The following DIAPH2 variants were observed in gnomAD, a reference collection of about 807,000 sequenced individuals.
The protein encoded by DIAPH2 is protein diaphanous homolog 2.
Under a neutral mutation model 92.7 loss-of-function variants are expected in DIAPH2, and 35 were observed. That is an observed-to-expected ratio of 0.38 (90% confidence interval 0.29 to 0.50). DIAPH2 has a LOEUF of 0.50. Among genes scored for constraint, DIAPH2 ranks in the 20% least tolerant of loss-of-function variants. DIAPH2 has a pLI of 0.94. For synonymous variants in DIAPH2, 301 were observed against 280.4 expected, an observed-to-expected ratio of 1.07 and a Z score of -0.73; for missense variants, 701 against 819.5, an observed-to-expected ratio of 0.86 and a Z score of 1.77.
intron 5 of DIAPH2, among the ~76,000 whole-genome samples, chrX:96,893,430 G>T (rs1051652210): frequency 9.9e-5 from 11 of 111,166 alleles, no homozygotes; most frequent in Admixed American, 9.6e-4. Flanking sequence ...CATCTCTTTT[G>T]TGTTGTTGTT....
chrX:97,547,064 T>A (rs1024869707), intron 26 of DIAPH2, among the ~76,000 whole-genome samples: 2 of 111,865 alleles, frequency 1.8e-5, no homozygotes, highest in Non-Finnish European at 3.8e-5. Flanking sequence ...CTCTGTTCTA[T>A]AGTAAGCATT....
chrX:97,299,270 T>C (rs1322961034), intron 23 of DIAPH2, among the ~76,000 whole-genome samples: 2 of 111,637 alleles, frequency 1.8e-5, no homozygotes, highest in Non-Finnish European at 3.8e-5. Flanking sequence ...AACTAAATTA[T>C]GCTTGAACTA....
At chrX:96,977,690 CT>C (rs1276239233) in intron 17 of DIAPH2, among the ~76,000 whole-genome samples, 109 of 101,896 alleles carry the variant, frequency 1.1e-3, no homozygotes, top group Admixed American at 1.2e-3. Flanking sequence ...AGTTTTTTTT[CT>C]TTTTTTTTTT....
At chrX:97,483,411 GAGAA>G (rs1305293709) in intron 26 of DIAPH2, among the ~76,000 whole-genome samples, 6 of 110,842 alleles carry the variant, frequency 5.4e-5, no homozygotes, top group Non-Finnish European at 1.1e-4. Context: ...GAGAGAGAGA[GAGAA>G]AGAGTTTTTT....
At position 97,259,435 on chromosome X, in the gene DIAPH2, T is replaced by C. The variant is rs190814556; in HGVS notation, c.2844+11596T>C. Among the ~76,000 whole-genome samples the C allele has an allele frequency of 4.5e-5, 5 of 112,171 alleles. No homozygotes were observed. In the Admixed American group the frequency reaches 4.7e-4, roughly 11 times the overall value. Reference sequence around the variant, plus strand: ...GGGTAAAAATCAAATTCTAAATAATTAATAATATTGGTCTAAGGAGTTTGA... The same window carrying C: ...GGGTAAAAATCAAATTCTAAATAATCAATAATATTGGTCTAAGGAGTTTGA... On this transcript the variant is annotated intron_variant, in intron 23 of 26. Coordinates refer to ENST00000324765, the MANE Select transcript of DIAPH2 (RefSeq NM_006729.5).
intron 26 of DIAPH2, among the ~76,000 whole-genome samples, chrX:97,567,041 C>T (rs1274533798): frequency 9.0e-6 from 1 of 111,592 alleles, no homozygotes; most frequent in African/African-American, 3.3e-5. Flanking sequence ...TGAAAAATGA[C>T]TCCCCATCAC....
At chrX:96,965,254 TAATTTAGTGCTTTGCTAAA>T in intron 17 of DIAPH2, 47 bp downstream of exon 17, 1 of 992,674 alleles carries the variant, frequency 1.0e-6, no homozygotes. Context: ...AGGTACAATT[TAATTTAGTGCTTTGCTAAA>T]AATTTCTAGT....
intron 22 of DIAPH2, among the ~76,000 whole-genome samples, chrX:97,148,087 G>A (rs747118762): frequency 2.0e-4 from 22 of 111,464 alleles, no homozygotes; most frequent in Non-Finnish European, 3.8e-4. Flanking sequence ...TGCTAAAAGG[G>A]ACCCAAGATG....
intron 19 of DIAPH2, among the ~76,000 whole-genome samples, chrX:97,096,801 T>C (rs1056487624): frequency 1.1e-4 from 12 of 111,798 alleles, no homozygotes; most frequent in Non-Finnish European, 2.1e-4. Context: ...TGGAATCACA[T>C]CCAAAAAACA....
chrX:97,544,683 G>T (rs2071166177), intron 26 of DIAPH2, among the ~76,000 whole-genome samples: 1 of 111,570 alleles, frequency 9.0e-6, no homozygotes, highest in South Asian at 3.7e-4. Context: ...AACAGTTTTG[G>T]TTCAAGGGTC....
intron 23 of DIAPH2, among the ~76,000 whole-genome samples, chrX:97,249,040 G>A (rs750683998): frequency 7.3e-5 from 8 of 109,923 alleles, no homozygotes; most frequent in African/African-American, 2.6e-4. Flanking sequence ...CTAATGTGAA[G>A]GTTTCACTTT....
intron 4 of DIAPH2, among the ~76,000 whole-genome samples, chrX:96,761,135 G>T (rs2064265651): frequency 1.8e-5 from 2 of 111,120 alleles, no homozygotes; most frequent in South Asian, 7.6e-4. Context: ...GTAATTTAGA[G>T]GGGATCTCAC....
intron 4 of DIAPH2, among the ~76,000 whole-genome samples, chrX:96,855,400 G>A (rs1352044669): frequency 9.0e-6 from 1 of 110,522 alleles, no homozygotes; most frequent in Non-Finnish European, 1.9e-5. Context: ...TATGCAGTAC[G>A]TAAATACAAT....
chrX:97,168,555 G>C (rs2067428865), intron 22 of DIAPH2, among the ~76,000 whole-genome samples: 2 of 110,768 alleles, frequency 1.8e-5, no homozygotes, highest in Admixed American at 9.6e-5. Context: ...AGGTAGTGTG[G>C]ATATGGCAGT....
chrX:97,240,345 G>T (rs778730924), intron 22 of DIAPH2, among the ~76,000 whole-genome samples: 1 of 111,297 alleles, frequency 9.0e-6, no homozygotes, highest in South Asian at 3.8e-4. Context: ...TGTGGCTCGC[G>T]CCTGTAATCC....
intron 24 of DIAPH2, among the ~76,000 whole-genome samples, chrX:97,360,744 T>C: frequency 8.9e-6 from 1 of 112,599 alleles, no homozygotes; most frequent in Non-Finnish European, 1.9e-5. Flanking sequence ...ACTTGAAACT[T>C]TATTTTGAAT....
intron 4 of DIAPH2, among the ~76,000 whole-genome samples, chrX:96,865,983 A>G (rs1329441456): frequency 1.8e-5 from 2 of 112,339 alleles, no homozygotes; most frequent in Non-Finnish European, 3.8e-5. Context: ...TTACTTGTAC[A>G]GTTAAACAGT....
intron 17 of DIAPH2, among the ~76,000 whole-genome samples, chrX:97,067,532 T>A (rs1452989481): frequency 8.9e-6 from 1 of 111,904 alleles, no homozygotes; most frequent in Non-Finnish European, 1.9e-5. Context: ...AAAATGGAAG[T>A]TTCCAAGGTT....
At chrX:97,154,833 T>C (rs1383769801) in intron 22 of DIAPH2, among the ~76,000 whole-genome samples, 1 of 112,583 alleles carries the variant, frequency 8.9e-6, no homozygotes, top group Non-Finnish European at 1.9e-5. Flanking sequence ...CACTTATTCA[T>C]GTATCTTTTA....
Sources: gnomAD v4.1 joint callset for allele counts (sites outside exome capture counted in the v4.1 genomes callset) on GRCh38, gnomAD v4.1.1 for gene constraint, MANE v1.5 for transcripts, NCBI Gene and HGNC (gene_info 2026-07-23, HGNC 2026-07-21) for gene names.